BIRC6: variants seen among roughly 807,000 people sequenced by gnomAD.
BIRC6 encodes the protein baculoviral IAP repeat containing 6.
BIRC6 carries 98 observed loss-of-function variants against 503.3 expected under a neutral mutation model. That is an observed-to-expected ratio of 0.19 (90% CI 0.17 to 0.23). BIRC6 has a LOEUF of 0.23. BIRC6 is among the 10% of genes least tolerant of loss of function. The pLI is 1.00. For missense variants in BIRC6, 5,360 were observed against 5,806.0 expected, an observed-to-expected ratio of 0.92 and a Z score of 2.50; for synonymous variants, 2,240 against 2,078.7, an observed-to-expected ratio of 1.08 and a Z score of -2.11.
At position 32,603,735 on chromosome 2, in the gene BIRC6, T is replaced by G. The variant is rs2062227618; in HGVS notation, c.14070+652T>G. Among the ~76,000 whole-genome samples the G allele has an allele frequency of 2.0e-5, 3 of 151,440 alleles. No homozygotes were observed. The South Asian group carries it at 6.3e-4, about 32-fold the overall frequency. ...GGAGACTCTATCTAAAAAATAAAAA[T>G]CAATAAATAAAAACGAAAGGGACAG... On this transcript the variant is annotated intron_variant, in intron 71 of 73. Coordinates refer to ENST00000421745, the MANE Select transcript of BIRC6 (RefSeq NM_016252.4).
intron 73 of BIRC6, among the ~76,000 whole-genome samples, chr2:32,616,208 ATCT>A (rs571138093): frequency 5.5e-4 from 83 of 152,156 alleles, no homozygotes; most frequent in Admixed American, 2.0e-3. Flanking sequence ...AAATTCTATG[ATCT>A]TCTTTTTAAC....
At chr2:32,441,257 T>G in intron 16 of BIRC6, 72 bp from the exon 17 acceptor site, 2 of 1,140,204 alleles carry the variant, frequency 1.8e-6, no homozygotes, top group Non-Finnish European at 2.5e-6. Context: ...TTCCTTTATT[T>G]TATAACTTCA....
chr2:32,369,145 T>C (rs762361340), intron 1 of BIRC6, among the ~76,000 whole-genome samples: 2 of 151,738 alleles, frequency 1.3e-5, no homozygotes, highest in Non-Finnish European at 2.9e-5. Context: ...TTTCTGTTTG[T>C]CTGTTATATA....
intron 57 of BIRC6, 32 bp from the exon 58 acceptor site, chr2:32,524,856 A>G: frequency 1.5e-6 from 2 of 1,303,644 alleles, no homozygotes; most frequent in Non-Finnish European, 1.0e-6. Context: ...GATTTGGAAA[A>G]GCAGTGTATT....
intron 23 of BIRC6, among the ~76,000 whole-genome samples, chr2:32,455,804 T>C (rs1276061140): frequency 6.6e-6 from 1 of 152,218 alleles, no homozygotes; most frequent in Non-Finnish European, 1.5e-5. Flanking sequence ...TTCTTGTCTT[T>C]ACAGGGCTAG....
chr2:32,498,465 G>T (rs1335685230), intron 45 of BIRC6, among the ~76,000 whole-genome samples: 2 of 152,184 alleles, frequency 1.3e-5, no homozygotes, highest in Non-Finnish European at 2.9e-5. Context: ...GAACTTAACA[G>T]TGTAGTTTCA....
intron 62 of BIRC6, among the ~76,000 whole-genome samples, chr2:32,544,255 A>G (rs1415436280): frequency 2.6e-5 from 4 of 152,002 alleles, no homozygotes; most frequent in African/African-American, 9.6e-5. Context: ...TGTGTTGAAT[A>G]TAGTTTTTTT....
intron 23 of BIRC6, among the ~76,000 whole-genome samples, chr2:32,462,958 A>C (rs956044813): frequency 1.3e-5 from 2 of 151,460 alleles, no homozygotes; most frequent in Non-Finnish European, 3.0e-5. Context: ...CTGTCTCAAA[A>C]AAAAAAAAAA....
In BIRC6 at chr2:32,369,723, C is replaced by T. The variant is rs563170493; in HGVS notation, c.326-7865C>T. ...GATTACGGGCATGAGCCATCTCGCC[C>T]GGCGCCATTGATTTACAGACGGTTA... On this transcript the variant is annotated intron_variant, in intron 1 of 73. Coordinates refer to ENST00000421745, the MANE Select transcript of BIRC6 (RefSeq NM_016252.4). 1.4e-4 allele frequency among the ~76,000 whole-genome samples: 21 copies of T among 151,272 alleles called. No homozygotes were observed. The South Asian group carries it at 2.3e-3, about 17-fold the overall frequency.
intron 65 of BIRC6, among the ~76,000 whole-genome samples, chr2:32,555,383 A>G (rs935241392): frequency 1.3e-5 from 2 of 152,096 alleles, no homozygotes; most frequent in Admixed American, 6.6e-5. Context: ...GCTCAAGCCT[A>G]TAATCCCAGC....
intron 40 of BIRC6, among the ~76,000 whole-genome samples, chr2:32,486,454 C>G (rs1287582338): frequency 6.6e-6 from 1 of 152,152 alleles, no homozygotes; most frequent in Admixed American, 6.5e-5. Flanking sequence ...GAGGTCTACA[C>G]AAGTCTGGAA....
intron 3 of BIRC6, among the ~76,000 whole-genome samples, chr2:32,381,626 A>C (rs1350756166): frequency 6.7e-6 from 1 of 148,716 alleles, no homozygotes; most frequent in East Asian, 2.0e-4. Context: ...TCTCACTGCA[A>C]CCTCCGCCTC....
rs1379574306 is a variant in BIRC6, at chr2:32,547,876, T to G, written c.12837T>G (p.Pro4279=). The G allele has an allele frequency of 6.2e-7, 1 of 1,607,248 alleles. No individual in the cohort carries two copies. The highest frequency in any genetic ancestry group is 1.7e-5 in the Admixed American group (1 of 58,332). Residue 4279 remains proline, a synonymous_variant, in exon 64 of 74, where the codon CCT becomes CCG. Coordinates refer to ENST00000421745, the MANE Select transcript of BIRC6 (RefSeq NM_016252.4). ...TEPQVSSSHN[P]TSTEEQQLYW... ...CACAGGTGTCAAGCTCTCATAACCC[T>G]ACATCAACAGAAGAACAACAGTTAT...
At chr2:32,516,919 C>G (rs1271688445) in intron 55 of BIRC6, among the ~76,000 whole-genome samples, 1 of 152,104 alleles carries the variant, frequency 6.6e-6, no homozygotes, top group Non-Finnish European at 1.5e-5. Flanking sequence ...ATGGTAGACA[C>G]TAGTAAATAA....
chr2:32,446,151 C>T (rs1045096102), intron 21 of BIRC6, among the ~76,000 whole-genome samples: 6 of 152,164 alleles, frequency 3.9e-5, no homozygotes, highest in East Asian at 1.9e-4. Flanking sequence ...CCACCGTGCC[C>T]GGCCAGAAAT....
At chr2:32,475,265 G>A (rs1418771001) in intron 33 of BIRC6, among the ~76,000 whole-genome samples, 4 of 150,906 alleles carry the variant, frequency 2.7e-5, no homozygotes, top group Non-Finnish European at 5.9e-5. Flanking sequence ...ATTTATAATT[G>A]TGGCTATACC....
chr2:32,589,681 C>G (rs2061286251), intron 66 of BIRC6, among the ~76,000 whole-genome samples: 1 of 152,148 alleles, frequency 6.6e-6, no homozygotes, highest in Non-Finnish European at 1.5e-5. Flanking sequence ...TTTTTTCACA[C>G]AGATAGGCAA....
intron 50 of BIRC6, 39 bp from the exon 51 acceptor site, chr2:32,507,941 C>A: frequency 6.3e-7 from 1 of 1,583,730 alleles, no homozygotes; most frequent in South Asian, 1.1e-5. Flanking sequence ...ATCTAGTATA[C>A]TTTGTCTTTT....
intron 32 of BIRC6, among the ~76,000 whole-genome samples, chr2:32,471,408 G>C (rs1478225663): frequency 6.6e-6 from 1 of 152,180 alleles, no homozygotes; most frequent in Non-Finnish European, 1.5e-5. Flanking sequence ...CTTGTTTAAA[G>C]ACTTTATAAT....
Sources: allele counts gnomAD v4.1 joint callset (sites outside exome capture counted in the v4.1 genomes callset), GRCh38; gene constraint gnomAD v4.1.1; transcripts MANE v1.5; gene names NCBI Gene and HGNC (gene_info 2026-07-23, HGNC 2026-07-21).